The following LRP6 variants were observed in gnomAD, a reference collection of about 807,000 sequenced individuals.
LRP6 encodes low-density lipoprotein receptor-related protein 6.
LRP6 carries 43 observed loss-of-function variants against 184.1 expected under a neutral mutation model. The ratio of observed to expected loss-of-function variants is 0.23; its 90% CI spans 0.18 to 0.30. The LOEUF is 0.30. Ranked by LOEUF, LRP6 falls within the 10% of genes least tolerant of loss-of-function variation. The pLI, the probability that LRP6 is intolerant of heterozygous loss-of-function variation, is 1.00. For synonymous variants in LRP6, 719 were observed against 684.9 expected, an observed-to-expected ratio of 1.05 and a Z score of -0.78; for missense variants, 1,571 against 2,005.3, an observed-to-expected ratio of 0.78 and a Z score of 4.14.
rs528247019 is a variant in LRP6 at position 12,225,414 on chromosome 12, G to A, written c.449+18848C>T. 7.9e-5 allele frequency among the ~76,000 whole-genome samples: 12 copies of A among 152,290 alleles called. No individual in the cohort carries two copies. In the East Asian group the frequency reaches 2.1e-3, roughly 27 times the overall value. ...CAAAGGATCATAATTTATCAAAGCA[G>A]AAATCCACAGACAAAAACCTCTCTA... On this transcript the variant is annotated intron_variant, in intron 2 of 22. Coordinates refer to ENST00000261349, the MANE Select transcript of LRP6 (RefSeq NM_002336.3).
intron 2 of LRP6, among the ~76,000 whole-genome samples, chr12:12,234,559 A>AC (rs1414086540): frequency 6.6e-6 from 1 of 152,188 alleles, no homozygotes; most frequent in Non-Finnish European, 1.5e-5. Flanking sequence ...ACGGCTGGGC[A>AC]CAGTGGCTCA....
At chr12:12,236,343 C>A (rs1158561431) in intron 2 of LRP6, among the ~76,000 whole-genome samples, 2 of 152,220 alleles carry the variant, frequency 1.3e-5, no homozygotes, top group Non-Finnish European at 2.9e-5. Context: ...GCAAGAAAAT[C>A]ATGACAGTTT....
Position 12,225,871 on chromosome 12 carries a change from C to CAAA in LRP6, c.449+18388_449+18390dup, listed in dbSNP as rs748835751. ...TAGGCGACAGAGAAAGACTGTGTCTCAAAAAAAAAAAAAAAGAGAGAGACC... is the reference window on the plus strand; with the variant it reads ...TAGGCGACAGAGAAAGACTGTGTCTCAAAAAAAAAAAAAAAAAAGAGAGAGACC... On this transcript the variant is annotated intron_variant, in intron 2 of 22. Coordinates refer to ENST00000261349, the MANE Select transcript of LRP6 (RefSeq NM_002336.3). Among the ~76,000 whole-genome samples, 361 of 117,138 alleles carry CAAA rather than the reference C, an allele frequency of 3.1e-3. 4 individuals are homozygous for CAAA. The highest frequency in any genetic ancestry group is 0.01 in the African/African-American group (327 of 31,516). The allele number at this position is 117,138 out of a possible 152,430, so 76.8% of individuals were successfully genotyped here.
intron 2 of LRP6, among the ~76,000 whole-genome samples, chr12:12,205,851 C>G (rs1864043242): frequency 1.3e-5 from 2 of 152,138 alleles, no homozygotes; most frequent in African/African-American, 2.4e-5. Context: ...TCAAACACTA[C>G]CCAGAATGAG....
At chr12:12,259,249 C>T (rs1278780639) in intron 1 of LRP6, among the ~76,000 whole-genome samples, 2 of 134,292 alleles carry the variant, frequency 1.5e-5, no homozygotes, top group African/African-American at 5.8e-5. Context: ...GGTGACAGAG[C>T]GAGACTCCAT....
chr12:12,207,125 A>G (rs946807884), intron 2 of LRP6, among the ~76,000 whole-genome samples: 2 of 152,230 alleles, frequency 1.3e-5, no homozygotes, highest in African/African-American at 4.8e-5. Flanking sequence ...GTGGGCAAAC[A>G]TGGCAGGCCA....
At chr12:12,260,257 A>G (rs539619734) in intron 1 of LRP6, among the ~76,000 whole-genome samples, 2 of 152,172 alleles carry the variant, frequency 1.3e-5, no homozygotes, top group African/African-American at 4.8e-5. Flanking sequence ...CGGGGCCTGC[A>G]GTCCCAGCTA....
At chr12:12,143,933 A>G (rs1048173862) in intron 15 of LRP6, among the ~76,000 whole-genome samples, 2 of 152,200 alleles carry the variant, frequency 1.3e-5, no homozygotes, top group African/African-American at 4.8e-5. Flanking sequence ...CTTTTAGTGT[A>G]AAACCATAGT....
At chr12:12,144,849 TGGGAATTA>T (rs1389312523) in intron 15 of LRP6, among the ~76,000 whole-genome samples, 1 of 127,614 alleles carries the variant, frequency 7.8e-6, no homozygotes, top group Non-Finnish European at 1.6e-5. Context: ...CACTCACAGG[TGGGAATTA>T]AACAATGAGA....
intron 7 of LRP6, among the ~76,000 whole-genome samples, chr12:12,174,587 C>G (rs1366163113): frequency 6.6e-6 from 1 of 152,100 alleles, no homozygotes; most frequent in Non-Finnish European, 1.5e-5. Flanking sequence ...AAAAAATTAT[C>G]AACAGGTTCC....
intron 2 of LRP6, among the ~76,000 whole-genome samples, chr12:12,205,633 C>T (rs960909333): frequency 6.6e-6 from 1 of 152,048 alleles, no homozygotes; most frequent in Admixed American, 6.6e-5. Flanking sequence ...CTTAAGCAAC[C>T]CTACAAAATA....
intron 2 of LRP6, chr12:12,210,854 CT>C (rs1864189214): frequency 6.6e-6 from 1 of 152,164 alleles, no homozygotes; most frequent in Non-Finnish European, 1.5e-5. Context: ...TTACTAACCC[CT>C]GAACTTGATT....
chr12:12,259,778 G>A (rs575212916), intron 1 of LRP6, among the ~76,000 whole-genome samples: 2 of 152,136 alleles, frequency 1.3e-5, no homozygotes, highest in Non-Finnish European at 2.9e-5. Flanking sequence ...AAATTTCAAA[G>A]TTACTCATAT....
Position 12,266,703 on chromosome 12 carries a change from G to A in LRP6, c.33C>T (p.Cys11=), listed in dbSNP as rs962668688. 4 of 1,613,434 alleles carry A rather than the reference G, an allele frequency of 2.5e-6. No individual in the cohort carries two copies. In the African/African-American group the frequency reaches 4.0e-5, roughly 16 times the overall value. Residue 11 remains cysteine, a synonymous_variant, in exon 1 of 23, where the codon TGC becomes TGT. Transcript: ENST00000261349. Reference sequence around the variant, plus strand: ...CACCTCTCAGGAGCACACAGAAGCTGCAGGCCAGGAGGCTCCTCAGGACGG... The same window carrying A: ...CACCTCTCAGGAGCACACAGAAGCTACAGGCCAGGAGGCTCCTCAGGACGG... MGAVLRSLLA[C]SFCVLLRAAP...
At chr12:12,170,240 C>A (rs1297706859) in intron 7 of LRP6, among the ~76,000 whole-genome samples, 1 of 152,030 alleles carries the variant, frequency 6.6e-6, no homozygotes, top group African/African-American at 2.4e-5. Flanking sequence ...TAGGCTGAGG[C>A]AGAATTGCTT....
Position 12,159,774 on chromosome 12 carries a change from G to C in LRP6, c.2464+6C>G, listed in dbSNP as rs751501410. Reference sequence around the variant, plus strand: ...TACTGTTTGAGTAAAAAGTAGTAAAGCTTACCAAGCATATTTGAAGATTCT... The same window carrying C: ...TACTGTTTGAGTAAAAAGTAGTAAACCTTACCAAGCATATTTGAAGATTCT... On this transcript the variant is annotated splice_donor_region_variant and intron_variant, in intron 11 of 22. Transcript: ENST00000261349. 8.1e-6 allele frequency: 13 copies of C among 1,613,776 alleles called. No individual in the cohort carries two copies. The African/African-American group carries it at 1.3e-4, about 17-fold the overall frequency.
intron 2 of LRP6, among the ~76,000 whole-genome samples, chr12:12,233,792 T>A (rs11054736): frequency 2.4e-4 from 37 of 152,040 alleles, no homozygotes; most frequent in Non-Finnish European, 2.9e-4. Context: ...TTTTTAGAGA[T>A]GGAAAATAAA....
At chr12:12,185,962 C>G (rs1418247491) in intron 4 of LRP6, among the ~76,000 whole-genome samples, 1 of 151,822 alleles carries the variant, frequency 6.6e-6, no homozygotes, top group Admixed American at 6.6e-5. Context: ...TCTCCAGCCT[C>G]AGCCTCCCAA....
chr12:12,215,139 C>G (rs932127343), intron 2 of LRP6, among the ~76,000 whole-genome samples: 4 of 152,114 alleles, frequency 2.6e-5, no homozygotes, highest in Non-Finnish European at 5.9e-5. Context: ...TAGACCAAAC[C>G]CCTGGTGTTT....
Sources: allele counts gnomAD v4.1 joint callset (sites outside exome capture counted in the v4.1 genomes callset), GRCh38; gene constraint gnomAD v4.1.1; transcripts MANE v1.5; gene names NCBI Gene and HGNC (gene_info 2026-07-23, HGNC 2026-07-21).